HPS3: variants seen among roughly 807,000 people sequenced by gnomAD.
The protein encoded by HPS3 is BLOC-2 complex member HPS3.
In HPS3, 79 loss-of-function variants were observed where a neutral mutation model predicts 110.9. The observed-to-expected ratio is 0.71, with a 90% CI of 0.59 to 0.86. The LOEUF is 0.86. Ranked by LOEUF, HPS3 falls within the 40% of genes least tolerant of loss-of-function variation. HPS3 has a pLI of 0.00. For synonymous variants in HPS3, 428 were observed against 451.0 expected, an observed-to-expected ratio of 0.95 and a Z score of 0.65; for missense variants, 1,197 against 1,206.2, an observed-to-expected ratio of 0.99 and a Z score of 0.11.
chr3:149,148,124 C>T lies in HPS3; in HGVS notation c.1164-2475C>T, dbSNP rs370994139. On this transcript the variant is annotated intron_variant, in intron 5 of 16. Transcript: ENST00000296051. ...CTAACCTCAGATGATCCACCCGCCA[C>T]GGCCTCCCAAAGTGCTGGGATTACA... Among the ~76,000 whole-genome samples the T allele has an allele frequency of 1.2e-4, 19 of 152,186 alleles. No individual in the cohort carries two copies. The East Asian group carries it at 1.7e-3, about 14-fold the overall frequency.
intron 1 of HPS3, among the ~76,000 whole-genome samples, chr3:149,131,744 G>A (rs1218149067): frequency 1.3e-5 from 2 of 152,344 alleles, no homozygotes; most frequent in African/African-American, 4.8e-5. Flanking sequence ...ATTAAGCTTA[G>A]TGAGGAAGGC....
chr3:149,157,529 C>CCACCAAG lies in HPS3; in HGVS notation c.1689_1690insCACCAAG (p.Arg564HisfsTer5). 2 of 1,613,484 alleles carry CCACCAAG rather than the reference C, an allele frequency of 1.2e-6. No homozygotes were observed. ...GTGGGCACCTTGGGGACTGTTACAG[C>CCACCAAG]AGGTGGGTGACACCTCTTGGAACCT... On this transcript the variant is annotated frameshift_variant and splice_region_variant, in exon 9 of 17. Transcript: ENST00000296051. LOFTEE classifies it high-confidence loss of function.
At chr3:149,148,960 T>TC (rs1302213624) in intron 5 of HPS3, among the ~76,000 whole-genome samples, 3 of 145,350 alleles carry the variant, frequency 2.1e-5, no homozygotes, top group African/African-American at 7.6e-5. Context: ...TTTTTTTTTT[T>TC]TTTTTTTTTT....
intron 6 of HPS3, among the ~76,000 whole-genome samples, chr3:149,153,268 T>A (rs1054757745): frequency 1.3e-5 from 2 of 152,226 alleles, no homozygotes; most frequent in Non-Finnish European, 2.9e-5. Flanking sequence ...GTTTGTTGGC[T>A]GAGTAGCTCT....
At position 149,140,271 on chromosome 3, in the gene HPS3, A is replaced by G; in HGVS notation, c.485A>G (p.Lys162Arg). ...AATAAATTAGTCTTATTTAGTTTGAAGTACCAGATCATTAATGAGGAATTC... is the reference window on the plus strand; with the variant it reads ...AATAAATTAGTCTTATTTAGTTTGAGGTACCAGATCATTAATGAGGAATTC... ...CTNKLVLFSL[K>R]YQIINEEFSL... The change falls in exon 2 of 17, where the codon AAG becomes AGG. Residue 162 changes from lysine to arginine, a missense_variant. Coordinates refer to ENST00000296051, the MANE Select transcript of HPS3 (RefSeq NM_032383.5). 6.2e-7 allele frequency: 1 copy of G among 1,614,214 alleles called. No individual in the cohort carries two copies. Among genetic ancestry groups the G allele is most frequent in the East Asian group, 2.2e-5 (1 of 44,892 alleles).
At chr3:149,149,185 G>A (rs1191196365) in intron 5 of HPS3, among the ~76,000 whole-genome samples, 1 of 148,486 alleles carries the variant, frequency 6.7e-6, no homozygotes, top group South Asian at 2.1e-4. Context: ...GGGTGGTCTC[G>A]ATCTCCTGAC....
chr3:149,151,015 T>C (rs1189461056), intron 6 of HPS3, among the ~76,000 whole-genome samples: 1 of 151,906 alleles, frequency 6.6e-6, no homozygotes, highest in South Asian at 2.1e-4. Flanking sequence ...ATTTTAACTT[T>C]TAATTTTTTC....
At chr3:149,151,616 A>T (rs1472414684) in intron 6 of HPS3, among the ~76,000 whole-genome samples, 1 of 103,712 alleles carries the variant, frequency 9.6e-6, no homozygotes, top group South Asian at 2.9e-4. Context: ...AAAAAAAAAA[A>T]GCCTCTTGAC....
At position 149,140,309 on chromosome 3, in the gene HPS3, T is replaced by A. The variant is rs1199977429; in HGVS notation, c.523T>A (p.Phe175Ile). The change falls in exon 2 of 17, where the codon TTT becomes ATT. Residue 175 changes from phenylalanine (F) to isoleucine (I), a missense_variant. By Grantham distance (21) the Phe-to-Ile change is conservative (BLOSUM62 0). Transcript: ENST00000296051. ...IINEEFSLLD[F>I]ERSLIIHIDN... The stretch of plus-strand genomic sequence containing the variant: ...TAATGAGGAATTCTCACTATTGGAC[T>A]TTGAACGTTCTTTAATTATACACAT... 1 of 1,613,782 alleles carries A rather than the reference T, an allele frequency of 6.2e-7. No individual in the cohort carries two copies. Among genetic ancestry groups the A allele is most frequent in the East Asian group, 2.2e-5 (1 of 44,882 alleles).
chr3:149,131,132 A>AC (rs1334008593), intron 1 of HPS3, among the ~76,000 whole-genome samples: 2 of 150,688 alleles, frequency 1.3e-5, no homozygotes, highest in South Asian at 2.1e-4. Context: ...TAAAAAAAAA[A>AC]AAAAAAAACA....
intron 8 of HPS3, among the ~76,000 whole-genome samples, chr3:149,156,368 C>A (rs1257188550): frequency 6.6e-6 from 1 of 152,172 alleles, no homozygotes; most frequent in African/African-American, 2.4e-5. Context: ...TGTCAACTGA[C>A]CCAATGGCTT....
chr3:149,158,817 T>C lies in HPS3; in HGVS notation c.1843T>C (p.Tyr615His). The C allele has an allele frequency of 6.2e-7, 1 of 1,600,130 alleles. No individual in the cohort carries two copies. ...AATCTTTTACATTAATCATTCACTT[T>C]ATGAAAACCTGGATGAAGAATTAAA... ...GLIFYINHSL[Y>H]ENLDEELNEE... is the part of the protein sequence containing the mutation. Residue 615 changes from tyrosine (Y) to histidine (H), a missense_variant, in exon 10 of 17, where the codon TAT (tyrosine) becomes CAT (histidine). By Grantham distance (83) the Tyr-to-His change is moderately conservative. Coordinates refer to ENST00000296051, the MANE Select transcript of HPS3 (RefSeq NM_032383.5).
At chr3:149,134,610 C>A (rs923453311) in intron 1 of HPS3, among the ~76,000 whole-genome samples, 3 of 152,130 alleles carry the variant, frequency 2.0e-5, no homozygotes, top group African/African-American at 7.2e-5. Flanking sequence ...CTCAGAGATA[C>A]AGTAGTAGTT....
At chr3:149,160,350 T>C (rs954322072) in intron 11 of HPS3, 71 bp downstream of exon 11, 2 of 978,484 alleles carry the variant, frequency 2.0e-6, no homozygotes, top group African/African-American at 3.2e-5. Flanking sequence ...TTTAGCTGTC[T>C]TCTGGCTTCT....
rs781327575 is a variant in HPS3 at position 149,141,315 on chromosome 3, C to T, written c.905C>T (p.Ser302Leu). The T allele has an allele frequency of 2.4e-5, 39 of 1,612,478 alleles. No individual in the cohort carries two copies. In the East Asian group the frequency reaches 6.3e-4, roughly 26 times the overall value. Residue 302 changes from serine to leucine, a missense_variant, in exon 4 of 17, where the codon TCG (serine) becomes TTG (leucine). Coordinates refer to ENST00000296051, the MANE Select transcript of HPS3 (RefSeq NM_032383.5). The stretch of plus-strand genomic sequence containing the variant: ...CACAGACGTTTTGCTCCTGATATTT[C>T]GTCCTATGTCTTGTCTGATGACATC... Reference protein sequence around the residue: ...LLYRRFAPDISSYVLSDDIKL... With the variant: ...LLYRRFAPDILSYVLSDDIKL...
At chr3:149,134,550 A>C (rs1221749113) in intron 1 of HPS3, among the ~76,000 whole-genome samples, 1 of 152,206 alleles carries the variant, frequency 6.6e-6, no homozygotes, top group African/African-American at 2.4e-5. Flanking sequence ...CTACCTATGC[A>C]TACGAATCAC....
intron 14 of HPS3, chr3:149,165,808 G>C (rs1724356603): frequency 2.1e-5 from 7 of 332,192 alleles, no homozygotes; most frequent in Admixed American, 1.6e-4. Flanking sequence ...GTTAAATATA[G>C]AGGTAATCTA....
At chr3:149,149,916 C>G (rs1424280836) in intron 5 of HPS3, among the ~76,000 whole-genome samples, 1 of 152,106 alleles carries the variant, frequency 6.6e-6, no homozygotes, top group East Asian at 1.9e-4. Context: ...GCAGAAGCAG[C>G]CTGGAGTTGT....
chr3:149,149,753 A>G (rs1263693786), intron 5 of HPS3, among the ~76,000 whole-genome samples: 1 of 152,190 alleles, frequency 6.6e-6, no homozygotes, highest in Non-Finnish European at 1.5e-5. Context: ...CCGTCACATA[A>G]TGGAACAGAA....
Sources: gnomAD v4.1 joint callset for allele counts (sites outside exome capture counted in the v4.1 genomes callset) on GRCh38, gnomAD v4.1.1 for gene constraint, MANE v1.5 for transcripts, NCBI Gene and HGNC (gene_info 2026-07-23, HGNC 2026-07-21) for gene names.